The following SLC39A11 variants were observed in gnomAD, a reference collection of about 807,000 sequenced individuals.
SLC39A11 encodes the protein solute carrier family 39 member 11.
Under a neutral mutation model 36.1 loss-of-function variants are expected in SLC39A11, and 33 were observed. That is an observed-to-expected ratio of 0.91 (90% CI 0.69 to 1.22). The LOEUF is 1.22. Ranked by LOEUF, SLC39A11 falls within the 50% of genes most tolerant of loss-of-function variation. The pLI is 0.00. For synonymous variants in SLC39A11, 166 were observed against 170.3 expected (o/e 0.97, Z 0.20); for missense variants, 432 against 430.3 (o/e 1.00, Z -0.03).
chr17:73,084,255 T>C (rs2060641776), intron 3 of SLC39A11, among the ~76,000 whole-genome samples: 1 of 151,902 alleles, frequency 6.6e-6, no homozygotes, highest in South Asian at 2.1e-4. Flanking sequence ...CTGGGCAACA[T>C]GGTGAAACCC....
At chr17:72,899,613 G>A (rs1394755291) in intron 5 of SLC39A11, among the ~76,000 whole-genome samples, 2 of 152,142 alleles carry the variant, frequency 1.3e-5, no homozygotes, top group African/African-American at 4.8e-5. Context: ...TCAACGAACT[G>A]GGGAAAGGAG....
intron 5 of SLC39A11, among the ~76,000 whole-genome samples, chr17:72,928,898 T>C (rs2084217252): frequency 6.6e-6 from 1 of 152,244 alleles, no homozygotes. Context: ...ACCTGCTTCA[T>C]GCCAGGCACT....
chr17:73,068,512 A>C (rs1420215389), intron 3 of SLC39A11, among the ~76,000 whole-genome samples: 1 of 152,124 alleles, frequency 6.6e-6, no homozygotes. Flanking sequence ...GACAGACCTG[A>C]TGTAAGTAAG....
rs150322114 is a variant in SLC39A11, at chr17:72,769,346, A to G, written c.602-32627T>C. On this transcript the variant is annotated intron_variant, in intron 6 of 9. Coordinates refer to ENST00000255559, the MANE Select transcript of SLC39A11 (RefSeq NM_139177.4). ...TGACCTTTAAAAACCCGTGCATTAC[A>G]TACAATAGAACATTATTCAACCTTA... 2.0e-5 allele frequency among the ~76,000 whole-genome samples: 3 copies of G among 152,336 alleles called. No individual in the cohort carries two copies. In the East Asian group the frequency reaches 5.8e-4, roughly 29 times the overall value.
intron 6 of SLC39A11, among the ~76,000 whole-genome samples, chr17:72,791,059 A>C (rs1445963364): frequency 6.6e-6 from 1 of 152,186 alleles, no homozygotes; most frequent in Non-Finnish European, 1.5e-5. Flanking sequence ...TTGCCTAGAG[A>C]CTTAGAAATA....
At chr17:72,961,436 C>T (rs1007361303) in intron 4 of SLC39A11, among the ~76,000 whole-genome samples, 27 of 152,132 alleles carry the variant, frequency 1.8e-4, no homozygotes, top group African/African-American at 6.3e-4. Context: ...GACACATGCA[C>T]ACGTATGTTT....
chr17:72,729,457 A>ATTTTTTTTTTTTTTT (rs55729197), intron 7 of SLC39A11, among the ~76,000 whole-genome samples: 4 of 7,228 alleles, frequency 5.5e-4, no homozygotes, highest in African/African-American at 3.4e-4. Context: ...ATATATATAT[A>ATTTTTTTTTTTTTTT]TTTTTTTTTT....
At chr17:72,926,446 C>T (rs1237203626) in intron 5 of SLC39A11, among the ~76,000 whole-genome samples, 2 of 152,106 alleles carry the variant, frequency 1.3e-5, no homozygotes, top group Admixed American at 1.3e-4. Flanking sequence ...CCTTTTTGCC[C>T]CTCAGGGAAA....
intron 3 of SLC39A11, among the ~76,000 whole-genome samples, chr17:73,058,596 AC>A (rs1278485573): frequency 6.6e-6 from 1 of 152,156 alleles, no homozygotes; most frequent in East Asian, 1.9e-4. Context: ...GGTAGCAGGC[AC>A]CTGTAATACC....
At chr17:72,765,459 G>A (rs775724309) in intron 6 of SLC39A11, among the ~76,000 whole-genome samples, 10 of 152,116 alleles carry the variant, frequency 6.6e-5, no homozygotes, top group Admixed American at 2.6e-4. Context: ...CCATTCCACC[G>A]GCTCTGCATG....
chr17:72,658,807 A>C (rs1225429392), intron 7 of SLC39A11, among the ~76,000 whole-genome samples: 1 of 152,056 alleles, frequency 6.6e-6, no homozygotes, highest in East Asian at 1.9e-4. Flanking sequence ...CCCCACCGAC[A>C]GGGCTCTTGT....
chr17:72,831,319 T>G (rs1280256713), intron 6 of SLC39A11, among the ~76,000 whole-genome samples: 1 of 152,066 alleles, frequency 6.6e-6, no homozygotes, highest in Non-Finnish European at 1.5e-5. Flanking sequence ...GAAATGGAAT[T>G]TGGAAGTGGA....
At chr17:72,993,676 G>A (rs564379617) in intron 4 of SLC39A11, among the ~76,000 whole-genome samples, 13 of 152,240 alleles carry the variant, frequency 8.5e-5, no homozygotes, top group South Asian at 4.1e-4. Flanking sequence ...AGTCTTCCCC[G>A]TTGATTCTGT....
chr17:72,915,358 C>G (rs1039626302), intron 5 of SLC39A11, among the ~76,000 whole-genome samples: 1 of 152,154 alleles, frequency 6.6e-6, no homozygotes, highest in Admixed American at 6.5e-5. Flanking sequence ...CGTTTTAATG[C>G]TTTACCTAAT....
intron 7 of SLC39A11, among the ~76,000 whole-genome samples, chr17:72,715,407 T>C (rs761998554): frequency 2.6e-5 from 4 of 152,198 alleles, no homozygotes; most frequent in East Asian, 1.9e-4. Flanking sequence ...CAAGTGTTCA[T>C]GGACAGACGA....
intron 7 of SLC39A11, among the ~76,000 whole-genome samples, chr17:72,735,802 G>A (rs1285426446): frequency 2.0e-5 from 3 of 152,142 alleles, no homozygotes; most frequent in South Asian, 2.1e-4. Context: ...ACAGCTGCAC[G>A]ATGTCTAGAG....
At chr17:72,738,990 A>G (rs1352250916) in intron 6 of SLC39A11, among the ~76,000 whole-genome samples, 1 of 152,172 alleles carries the variant, frequency 6.6e-6, no homozygotes, top group Non-Finnish European at 1.5e-5. Flanking sequence ...AGAGTCCGCA[A>G]TGGGGTCTGG....
At chr17:72,899,984 AAGAAAGAGAGAGAGAG>A (rs71154925) in intron 5 of SLC39A11, among the ~76,000 whole-genome samples, 65,206 of 114,688 alleles carry the variant, frequency 0.57, 19,254 homozygotes, top group East Asian at 0.71. Context: ...GAGAGAGAGA[AAGAAAGAGAGAGAGAG>A]AGAAAGAGAG....
At chr17:72,989,585 T>A (rs990003239) in intron 4 of SLC39A11, among the ~76,000 whole-genome samples, 1 of 152,266 alleles carries the variant, frequency 6.6e-6, no homozygotes, top group East Asian at 1.9e-4. Context: ...CAAGAAATTA[T>A]CATTGTATTT....
Sources: allele counts gnomAD v4.1 joint callset (sites outside exome capture counted in the v4.1 genomes callset), GRCh38; gene constraint gnomAD v4.1.1; transcripts MANE v1.5; gene names NCBI Gene and HGNC (gene_info 2026-07-23, HGNC 2026-07-21).